Variants in ENOX2 observed in about 807,000 individuals in gnomAD.
ENOX2 encodes the protein APK1 antigen.
Under a neutral mutation model 45.0 loss-of-function variants are expected in ENOX2, and 36 were observed. That is an observed-to-expected ratio of 0.80 (90% CI 0.61 to 1.06). The LOEUF (loss-of-function observed/expected upper bound fraction) is 1.06, where lower values mean the gene tolerates loss of function less well. Ranked by LOEUF, ENOX2 falls within the 50% of genes least tolerant of loss-of-function variation. ENOX2 has a pLI of 0.00. For missense variants in ENOX2, 423 were observed against 462.5 expected (o/e 0.91, Z 0.78); for synonymous variants, 174 against 152.3 (o/e 1.14, Z -1.05).
intron 4 of ENOX2, among the ~76,000 whole-genome samples, chrX:130,696,564 C>T (rs2037768213): frequency 1.8e-5 from 2 of 111,868 alleles, no homozygotes; most frequent in Admixed American, 9.4e-5. Flanking sequence ...AAAGGGCAGT[C>T]CTTTCAATTG....
intron 2 of ENOX2, among the ~76,000 whole-genome samples, chrX:130,886,621 T>G (rs2078907938): frequency 8.9e-6 from 1 of 112,164 alleles, no homozygotes; most frequent in South Asian, 3.7e-4. Context: ...GGGGCTCGTA[T>G]TTGTAGCTTT....
rs745972655 is a variant in ENOX2 at position 130,679,586 on chromosome X, C to T, written c.416G>A (p.Arg139His). 3.3e-6 allele frequency: 4 copies of T among 1,209,441 alleles called. No individual in the cohort carries two copies. The highest frequency in any genetic ancestry group is 5.9e-5 in the East Asian group (2 of 33,754). ...RKSKKNFCHIRFAEEYMVDKA... is the reference protein window; with the variant it reads ...RKSKKNFCHIHFAEEYMVDKA... ...GTCCACCATGTACTCCTCAGCAAAG[C>T]GAATGTGGCAGAAGTTCTTCTTGCT... The change falls in exon 6 of 15, where the codon CGC becomes CAC. Residue 139 changes from arginine (R) to histidine (H), a missense_variant. Around this residue, in one of 5 missense-constraint regions of ENOX2, gnomAD observed 261 missense variants for 306.8 expected, o/e 0.85. Transcript: ENST00000394363.
chrX:130,660,273 G>A (rs16999739), intron 9 of ENOX2, among the ~76,000 whole-genome samples: 112 of 111,850 alleles, frequency 1.0e-3, no homozygotes, highest in African/African-American at 3.2e-3. Context: ...GAGCAGCAGA[G>A]GTTATGGAGT....
At chrX:130,657,296 G>A (rs1450858079) in intron 9 of ENOX2, among the ~76,000 whole-genome samples, 1 of 111,983 alleles carries the variant, frequency 8.9e-6, no homozygotes, top group African/African-American at 3.2e-5. Flanking sequence ...CTGAAGAGAA[G>A]CTGACACTTG....
chrX:130,689,880 C>T (rs947434396), intron 4 of ENOX2, among the ~76,000 whole-genome samples: 5 of 111,294 alleles, frequency 4.5e-5, no homozygotes, highest in African/African-American at 1.6e-4. Flanking sequence ...TGTTTCACTG[C>T]GAATCAGTAC....
intron 9 of ENOX2, among the ~76,000 whole-genome samples, chrX:130,663,666 C>G (rs2036758395): frequency 2.7e-5 from 3 of 111,227 alleles, no homozygotes; most frequent in African/African-American, 9.8e-5. Context: ...TCAACTTCTT[C>G]TAACCCAAAG....
In ENOX2 at chrX:130,725,211, G is replaced by A. The variant is rs1047154324; in HGVS notation, c.-38-21957C>T. Reference sequence around the variant, plus strand: ...GTTAAACATGTTTTTTTTCTTTAAAGAAACTATTATTTAAAATTGCTTCCC... The same window carrying A: ...GTTAAACATGTTTTTTTTCTTTAAAAAAACTATTATTTAAAATTGCTTCCC... On this transcript the variant is annotated intron_variant, in intron 3 of 14. Coordinates refer to ENST00000394363, the MANE Select transcript of ENOX2 (RefSeq NM_006375.4). Among the ~76,000 whole-genome samples, 7 of 109,640 alleles carry A rather than the reference G, an allele frequency of 6.4e-5. No individual in the cohort carries two copies. In the Admixed American group the frequency reaches 6.8e-4, roughly 11 times the overall value.
chrX:130,667,386 A>G (rs2036860815), intron 8 of ENOX2, 144 bp downstream of exon 8: 3 of 514,970 alleles, frequency 5.8e-6, no homozygotes, highest in Non-Finnish European at 1.0e-5. Context: ...GGCATTTGAC[A>G]ATATAAGGAG....
At chrX:130,759,806 C>A (rs1233235053) in intron 3 of ENOX2, among the ~76,000 whole-genome samples, 1 of 109,447 alleles carries the variant, frequency 9.1e-6, no homozygotes, top group Non-Finnish European at 1.9e-5. Flanking sequence ...TGCCTTTCTA[C>A]ATAAATGTTA....
intron 2 of ENOX2, among the ~76,000 whole-genome samples, chrX:130,894,496 T>C (rs1486035746): frequency 9.1e-6 from 1 of 110,024 alleles, no homozygotes; most frequent in Non-Finnish European, 1.9e-5. Context: ...TATTAAAATT[T>C]TATTCTCAAA....
At chrX:130,862,744 G>C (rs928910759) in intron 2 of ENOX2, among the ~76,000 whole-genome samples, 1 of 111,545 alleles carries the variant, frequency 9.0e-6, no homozygotes, top group African/African-American at 3.3e-5. Flanking sequence ...ATAAATGAAT[G>C]AGTATGAAAC....
chrX:130,725,417 C>T (rs1266403077), intron 3 of ENOX2, among the ~76,000 whole-genome samples: 2 of 107,024 alleles, frequency 1.9e-5, no homozygotes, highest in East Asian at 6.0e-4. Flanking sequence ...TGGAGCTCTC[C>T]CTTCAAACCA....
intron 2 of ENOX2, among the ~76,000 whole-genome samples, chrX:130,851,297 A>G (rs947466736): frequency 9.0e-6 from 1 of 111,161 alleles, no homozygotes; most frequent in African/African-American, 3.3e-5. Flanking sequence ...TGCCTTATAA[A>G]TGGATATATA....
At chrX:130,674,750 T>C (rs1375932116) in intron 6 of ENOX2, among the ~76,000 whole-genome samples, 5 of 103,062 alleles carry the variant, frequency 4.9e-5, no homozygotes, top group Admixed American at 1.0e-4. Flanking sequence ...GTATATCTCC[T>C]AATGCTATCC....
At chrX:130,854,141 G>T (rs1041405839) in intron 2 of ENOX2, among the ~76,000 whole-genome samples, 3 of 111,604 alleles carry the variant, frequency 2.7e-5, no homozygotes, top group African/African-American at 9.8e-5. Flanking sequence ...TTACAAAAAT[G>T]CTTTAATGAG....
chrX:130,777,078 C>T (rs73229071), intron 3 of ENOX2, among the ~76,000 whole-genome samples: 1,256 of 111,809 alleles, frequency 0.011, 5 homozygotes, highest in Non-Finnish European at 0.02. Context: ...CAATTACATG[C>T]CACAGTCCTA....
At chrX:130,765,351 C>T (rs950679299) in intron 3 of ENOX2, among the ~76,000 whole-genome samples, 17 of 111,311 alleles carry the variant, frequency 1.5e-4, no homozygotes, top group African/African-American at 5.2e-4. Context: ...TAACCATCTC[C>T]TAAATCCTGT....
chrX:130,626,059 G>A (rs1176248036), intron 14 of ENOX2, among the ~76,000 whole-genome samples: 1 of 111,427 alleles, frequency 9.0e-6, no homozygotes, highest in Non-Finnish European at 1.9e-5. Flanking sequence ...TATGAGCCTT[G>A]GCACCAGGGC....
At chrX:130,797,994 T>C (rs996243898) in intron 2 of ENOX2, among the ~76,000 whole-genome samples, 18 of 110,663 alleles carry the variant, frequency 1.6e-4, no homozygotes, top group African/African-American at 5.9e-4. Flanking sequence ...TGGCTACATA[T>C]TAAATTCAAC....
Sources: allele counts gnomAD v4.1 joint callset (sites outside exome capture counted in the v4.1 genomes callset), GRCh38; gene constraint gnomAD v4.1.1; regional missense constraint gnomAD v4.1.1; transcripts MANE v1.5; gene names NCBI Gene and HGNC (gene_info 2026-07-23, HGNC 2026-07-21).